TDO2: variants seen among roughly 807,000 people sequenced by gnomAD.
The protein encoded by TDO2 is tryptophan 2,3-dioxygenase.
TDO2 carries 63 observed loss-of-function variants against 61.2 expected under a neutral mutation model. The observed-to-expected ratio is 1.03, with a 90% CI of 0.84 to 1.27. TDO2 has a LOEUF of 1.27. Among genes scored for constraint, TDO2 ranks in the 50% most tolerant of loss-of-function variants. The probability of loss-of-function intolerance (pLI) is 0.00; values close to 1 mark genes in which losing one functional copy is unlikely to be tolerated. For synonymous variants in TDO2, 183 were observed against 164.0 expected, an observed-to-expected ratio of 1.12 and a Z score of -0.89; for missense variants, 494 against 469.5, an observed-to-expected ratio of 1.05 and a Z score of -0.48.
At chr4:155,910,368 A>G (rs1176949055) in intron 6 of TDO2, among the ~76,000 whole-genome samples, 157 bp downstream of exon 6, 1 of 152,222 alleles carries the variant, frequency 6.6e-6, no homozygotes, top group Non-Finnish European at 1.5e-5. Context: ...TTGTAAATTC[A>G]TGTTACTAAA....
rs563174920 is a variant in TDO2, at chr4:155,917,444, G to T, written c.946G>T (p.Asp316Tyr). The T allele has an allele frequency of 1.9e-6, 3 of 1,611,032 alleles. No homozygotes were observed. In the East Asian group the frequency reaches 6.7e-5, roughly 36 times the overall value. Residue 316 changes from aspartate (D) to tyrosine (Y), a missense_variant, in exon 10 of 12, where the codon GAC becomes TAC. Physicochemically the swap from Asp to Tyr is radical, Grantham distance 160 (BLOSUM62 -3). Transcript: ENST00000536354. ...TTTTCAGTTGCTGACTTCTCTTATGGACATAGATTCACTGATGACCAAATG... is the reference window on the plus strand; with the variant it reads ...TTTTCAGTTGCTGACTTCTCTTATGTACATAGATTCACTGATGACCAAATG... ...VPFQLLTSLMDIDSLMTKWRY... is the reference protein window; with the variant it reads ...VPFQLLTSLMYIDSLMTKWRY...
At chr4:155,915,162 AC>A (rs1742908132) in intron 8 of TDO2, among the ~76,000 whole-genome samples, 2 of 152,260 alleles carry the variant, frequency 1.3e-5, no homozygotes, top group East Asian at 1.9e-4. Context: ...TCATTTCTAA[AC>A]TTTTGCGTTC....
In TDO2 at chr4:155,905,125, A is replaced by G. The variant is rs1216219523; in HGVS notation, c.200A>G (p.His67Arg). The G allele has an allele frequency of 1.2e-6, 2 of 1,601,798 alleles. No homozygotes were observed. Among genetic ancestry groups the G allele is most frequent in the South Asian group, 1.1e-5 (1 of 88,158 alleles). ...LQSETKGNKI[H>R]DEHLFIITHQ... ...AGTGAAACAAAAGGAAATAAAATCCATGATGAACATCTTTTTATCATAACT... is the reference window on the plus strand; with the variant it reads ...AGTGAAACAAAAGGAAATAAAATCCGTGATGAACATCTTTTTATCATAACT... Residue 67 changes from histidine to arginine, a missense_variant, in exon 3 of 12, where the codon CAT (histidine) becomes CGT (arginine). By Grantham distance (29) the His-to-Arg change is conservative. Coordinates refer to ENST00000536354, the MANE Select transcript of TDO2 (RefSeq NM_005651.4).
intron 3 of TDO2, chr4:155,905,617 GT>G (rs3839139): frequency 3.4e-4 from 51 of 152,024 alleles, no homozygotes; most frequent in African/African-American, 9.7e-5. Context: ...TGGGCAGTGG[GT>G]TTTTTTTTAG....
Position 155,908,901 on chromosome 4 carries a change from G to C in TDO2, c.318G>C (p.Arg106Ser), listed in dbSNP as rs746807304. ...IFQNGHVRDERNMLKVVSRMH... is the reference protein window; with the variant it reads ...IFQNGHVRDESNMLKVVSRMH... ...TTAACCTTCAGGTCAGAGATGAAAG[G>C]AACATGCTTAAGGTTGTTTCTCGGA... Residue 106 changes from arginine (R) to serine (S), a missense_variant, in exon 5 of 12, where the codon AGG becomes AGC. Transcript: ENST00000536354. The C allele has an allele frequency of 5.7e-5, 92 of 1,610,814 alleles. No individual in the cohort carries two copies. Among genetic ancestry groups the C allele is most frequent in the Non-Finnish European group, 7.7e-5 (91 of 1,178,686 alleles).
In TDO2 at chr4:155,919,900, G is replaced by C; in HGVS notation, c.1131G>C (p.Trp377Cys). ...NLSTYLIPRH[W>C]IPKMNPTIHK... ...CAACATACCTGATTCCCCGACACTG[G>C]ATACCGAAGATGAACCCAACCATTC... is the stretch of plus-strand genomic sequence containing the variant. The change falls in exon 12 of 12, where the codon TGG (tryptophan) becomes TGC (cysteine). Residue 377 changes from tryptophan (W) to cysteine (C), a missense_variant. Physicochemically the swap from Trp to Cys is radical, Grantham distance 215 (BLOSUM62 -2). Coordinates refer to ENST00000536354, the MANE Select transcript of TDO2 (RefSeq NM_005651.4). 3 of 1,613,596 alleles carry C rather than the reference G, an allele frequency of 1.9e-6. No homozygotes were observed. Among genetic ancestry groups the C allele is most frequent in the Non-Finnish European group, 2.5e-6 (3 of 1,179,696 alleles).
chr4:155,919,975 T>C lies in TDO2; in HGVS notation c.1206T>C (p.Ser402=), dbSNP rs763263639. 1.2e-5 allele frequency: 19 copies of C among 1,612,796 alleles called. No homozygotes were observed. Among genetic ancestry groups the C allele is most frequent in the Admixed American group, 1.2e-4 (7 of 59,734 alleles). Residue 402 remains serine, a synonymous_variant, in exon 12 of 12, where the codon AGT becomes AGC. Transcript: ENST00000536354. ...AEYCDSSYFS[S]DESD Reference sequence around the variant, plus strand: ...ACTGTGATAGCTCCTACTTCAGCAGTGATGAATCAGATTAAAATCGTCTGC... The same window carrying C: ...ACTGTGATAGCTCCTACTTCAGCAGCGATGAATCAGATTAAAATCGTCTGC...
intron 6 of TDO2, among the ~76,000 whole-genome samples, chr4:155,911,018 T>G (rs919348124): frequency 4.6e-5 from 7 of 152,098 alleles, no homozygotes; most frequent in African/African-American, 1.4e-4. Context: ...AGTAATTGCA[T>G]GGATGGTTAA....
chr4:155,904,033 A>G lies in TDO2; in HGVS notation c.51A>G (p.Lys17=). The part of the protein sequence containing the change: ...LGNNFGYTFK[K]LPVEGSEEDK... The stretch of plus-strand genomic sequence containing the variant: ...AAATTTGCAGATATACTTTTAAAAA[A>G]CTCCCCGTAGAAGGCAGCGAAGAAG... Residue 17 remains lysine (K), a synonymous_variant, in exon 2 of 12, where the codon AAA becomes AAG. Coordinates refer to ENST00000536354, the MANE Select transcript of TDO2 (RefSeq NM_005651.4). The G allele has an allele frequency of 6.2e-7, 1 of 1,613,528 alleles. No individual in the cohort carries two copies. Among genetic ancestry groups the G allele is most frequent in the Non-Finnish European group, 8.5e-7 (1 of 1,179,886 alleles).
chr4:155,916,082 T>C (rs539220938), intron 9 of TDO2, among the ~76,000 whole-genome samples, 170 bp downstream of exon 9: 1 of 152,216 alleles, frequency 6.6e-6, no homozygotes, highest in East Asian at 1.9e-4. Context: ...TCCCTTTTTT[T>C]TTCTTTTAAA....
At position 155,908,877 on chromosome 4, in the gene TDO2, T is replaced by C. The variant is rs1341403594; in HGVS notation, c.304-10T>C. 1.9e-6 allele frequency: 3 copies of C among 1,607,476 alleles called. No homozygotes were observed. Among genetic ancestry groups the C allele is most frequent in the Non-Finnish European group, 2.5e-6 (3 of 1,177,198 alleles). Reference sequence around the variant, plus strand: ...ATTGCTAACTCAGTGTTTCATTTCTTAACCTTCAGGTCAGAGATGAAAGGA... The same window carrying C: ...ATTGCTAACTCAGTGTTTCATTTCTCAACCTTCAGGTCAGAGATGAAAGGA... On this transcript the variant is annotated splice_polypyrimidine_tract_variant and intron_variant, in intron 4 of 11. Transcript: ENST00000536354.
chr4:155,909,273 A>C (rs1017163042), intron 5 of TDO2, among the ~76,000 whole-genome samples: 9 of 152,216 alleles, frequency 5.9e-5, no homozygotes, highest in Non-Finnish European at 1.2e-4. Context: ...TCCAAAAAGA[A>C]TTTTAGACAA....
intron 7 of TDO2, among the ~76,000 whole-genome samples, chr4:155,913,386 T>G (rs967731509): frequency 7.9e-5 from 12 of 152,160 alleles, no homozygotes; most frequent in African/African-American, 2.9e-4. Context: ...TTTTATGTGT[T>G]CTTCTCTGGG....
intron 6 of TDO2, among the ~76,000 whole-genome samples, chr4:155,911,238 A>G (rs1742823511): frequency 6.6e-6 from 1 of 152,018 alleles, no homozygotes; most frequent in Admixed American, 6.6e-5. Flanking sequence ...GACAATTGGA[A>G]TTTCTGTAAT....
chr4:155,908,821 A>G (rs1742765021), intron 4 of TDO2, 66 bp from the exon 5 acceptor site: 3 of 1,494,390 alleles, frequency 2.0e-6, no homozygotes, highest in African/African-American at 1.4e-5. Flanking sequence ...ATTCATTGCC[A>G]TTGTCTATTT....
intron 9 of TDO2, 117 bp downstream of exon 9, chr4:155,916,029 A>G: frequency 1.2e-6 from 1 of 854,012 alleles, no homozygotes; most frequent in Non-Finnish European, 1.7e-6. Context: ...TAGTTTTTGT[A>G]GAAAACTTGG....
rs143783666 is a variant in TDO2 at position 155,914,393 on chromosome 4, C to T, written c.797C>T (p.Ser266Phe). The change falls in exon 8 of 12, where the codon TCC (serine) becomes TTC (phenylalanine). Residue 266 changes from serine to phenylalanine, a missense_variant. Physicochemically the swap from Ser to Phe is radical, Grantham distance 155 (BLOSUM62 -2). Coordinates refer to ENST00000536354, the MANE Select transcript of TDO2 (RefSeq NM_005651.4). ...EFQKQKEVLL[S>F]LFDEKRHEHL... is the part of the protein sequence containing the mutation. ...CAGAAGCAAAAAGAGGTGCTACTGTCCTTATTTGATGAGAAACGTCATGAA... is the reference window on the plus strand; with the variant it reads ...CAGAAGCAAAAAGAGGTGCTACTGTTCTTATTTGATGAGAAACGTCATGAA... 3.8e-5 allele frequency: 61 copies of T among 1,602,902 alleles called. No homozygotes were observed. In the African/African-American group the frequency reaches 5.7e-4, roughly 15 times the overall value.
chr4:155,913,009 G>C (rs1742863683), intron 7 of TDO2, among the ~76,000 whole-genome samples: 1 of 152,034 alleles, frequency 6.6e-6, no homozygotes, highest in African/African-American at 2.4e-5. Context: ...CTATCATCAA[G>C]TCCTACCAAT....
intron 3 of TDO2, chr4:155,907,134 G>A (rs887894451): frequency 2.0e-5 from 3 of 152,144 alleles, no homozygotes; most frequent in Admixed American, 6.5e-5. Context: ...AAGTTCCCCC[G>A]GGAATTAGCT....
Sources: allele counts gnomAD v4.1 joint callset (sites outside exome capture counted in the v4.1 genomes callset), GRCh38; gene constraint gnomAD v4.1.1; transcripts MANE v1.5; gene names NCBI Gene and HGNC (gene_info 2026-07-23, HGNC 2026-07-21).